Variants in TM4SF19 observed in about 807,000 individuals in gnomAD.
The protein encoded by TM4SF19 is transmembrane 4 L six family member 19.
TM4SF19 carries 17 observed loss-of-function variants against 21.8 expected under a neutral mutation model. The ratio of observed to expected loss-of-function variants is 0.78; its 90% CI spans 0.53 to 1.17. The LOEUF is 1.17. Ranked by LOEUF, TM4SF19 falls within the 50% of genes most tolerant of loss-of-function variation. The pLI is 0.00. For synonymous variants in TM4SF19, 107 were observed against 106.7 expected, an observed-to-expected ratio of 1.00 and a Z score of -0.02; for missense variants, 216 against 252.1, an observed-to-expected ratio of 0.86 and a Z score of 0.97.
At chr3:196,327,334 T>C in intron 2 of TM4SF19, 56 bp downstream of exon 2, 1 of 1,550,118 alleles carries the variant, frequency 6.5e-7, no homozygotes, top group Non-Finnish European at 8.9e-7. Context: ...GCCACCTTCC[T>C]GCTCCCCGCC....
intron 1 of TM4SF19, among the ~76,000 whole-genome samples, chr3:196,337,308 T>C (rs561005844): frequency 2.9e-4 from 44 of 152,054 alleles, no homozygotes; most frequent in Non-Finnish European, 5.6e-4. Context: ...TGGTAAGAAA[T>C]AGAGCAGACA....
intron 1 of TM4SF19, among the ~76,000 whole-genome samples, chr3:196,337,318 A>C (rs1455244596): frequency 6.6e-6 from 1 of 152,150 alleles, no homozygotes. Context: ...TAGAGCAGAC[A>C]TGAGCAGGGC....
At chr3:196,324,525 G>A in intron 3 of TM4SF19, 85 bp from the exon 4 acceptor site, 1 of 1,477,566 alleles carries the variant, frequency 6.8e-7, no homozygotes. Context: ...AGCTAAGACG[G>A]GGTCGCAGCT....
intron 1 of TM4SF19, among the ~76,000 whole-genome samples, chr3:196,332,367 T>A (rs1284329242): frequency 7.3e-6 from 1 of 136,184 alleles, no homozygotes; most frequent in Non-Finnish European, 1.5e-5. Context: ...TGAGCCCAGA[T>A]CACGCCACTG....
intron 1 of TM4SF19, among the ~76,000 whole-genome samples, chr3:196,336,346 C>A (rs531316832): frequency 1.4e-4 from 21 of 152,278 alleles, no homozygotes; most frequent in Middle Eastern, 6.8e-3. Flanking sequence ...CCAGGTTAGC[C>A]ACGCTGGTCT....
chr3:196,326,775 A>G (rs60069930), intron 3 of TM4SF19, among the ~76,000 whole-genome samples, 180 bp downstream of exon 3: 32,259 of 152,006 alleles, frequency 0.21, 3,546 homozygotes, highest in South Asian at 0.31. Flanking sequence ...CCCATTTTAC[A>G]GATGAAAGCC....
chr3:196,324,712 A>G, intron 3 of TM4SF19: 2 of 436,340 alleles, frequency 4.6e-6, no homozygotes, highest in East Asian at 4.0e-5. Context: ...CAGGCCCCGG[A>G]TCTCCCTGAC....
intron 1 of TM4SF19, 41 bp from the exon 2 acceptor site, chr3:196,327,632 G>A (rs747684839): frequency 3.2e-6 from 5 of 1,554,934 alleles, no homozygotes; most frequent in Non-Finnish European, 4.4e-6. Context: ...CTCTGCTGTG[G>A]GGGGATGGGG....
Position 196,334,794 on chromosome 3 carries a change from C to A in TM4SF19, c.-2+3470G>T, listed in dbSNP as rs189883168. ...GTAAAGAAGACAAGGGGAGGGGTGC[C>A]CTGGGAGGGTGGGGGTAGGAGAGAG... On this transcript the variant is annotated intron_variant, in intron 1 of 4. Transcript: ENST00000273695. Among the ~76,000 whole-genome samples the A allele has an allele frequency of 9.8e-3, 1,325 of 134,558 alleles. 14 individuals are homozygous for A. Among genetic ancestry groups the A allele is most frequent in the African/African-American group, 0.026 (913 of 35,596 alleles). 88.3% of individuals were successfully genotyped at this position (134,558 alleles called of 152,430 possible).
intron 1 of TM4SF19, among the ~76,000 whole-genome samples, chr3:196,337,739 G>A (rs1301098724): frequency 6.6e-6 from 1 of 152,142 alleles, no homozygotes; most frequent in Non-Finnish European, 1.5e-5. Flanking sequence ...CACGCACTTG[G>A]CCCTTTTCCA....
chr3:196,334,396 A>G (rs1727637057), intron 1 of TM4SF19, among the ~76,000 whole-genome samples: 1 of 149,098 alleles, frequency 6.7e-6, no homozygotes, highest in African/African-American at 2.5e-5. Flanking sequence ...TTTTTTTGAG[A>G]TGGAGTCTTG....
intron 1 of TM4SF19, among the ~76,000 whole-genome samples, chr3:196,337,396 T>G (rs867952303): frequency 6.6e-6 from 1 of 152,110 alleles, no homozygotes; most frequent in Non-Finnish European, 1.5e-5. Context: ...TGTTACACTG[T>G]CTTTCTAAAA....
chr3:196,331,805 A>G (rs891625314), intron 1 of TM4SF19, among the ~76,000 whole-genome samples: 1 of 151,744 alleles, frequency 6.6e-6, no homozygotes, highest in African/African-American at 2.4e-5. Flanking sequence ...AAAAAAATGT[A>G]ATAGAGGTGA....
intron 1 of TM4SF19, among the ~76,000 whole-genome samples, chr3:196,331,080 C>A: frequency 6.6e-6 from 1 of 151,808 alleles, no homozygotes; most frequent in Non-Finnish European, 1.5e-5. Context: ...TTGAGATAAG[C>A]CTGGTCAACA....
At chr3:196,337,437 A>C (rs1241796707) in intron 1 of TM4SF19, among the ~76,000 whole-genome samples, 2 of 152,162 alleles carry the variant, frequency 1.3e-5, no homozygotes, top group African/African-American at 4.8e-5. Flanking sequence ...GTTGGGAAAG[A>C]CAGTCTCCCA....
intron 3 of TM4SF19, chr3:196,324,937 AAAG>A (rs1727226971): frequency 6.5e-6 from 1 of 152,734 alleles, no homozygotes; most frequent in Non-Finnish European, 1.5e-5. Context: ...GGAAGGAAAG[AAAG>A]AAGCAGGAAA....
At chr3:196,331,163 C>T (rs368578936) in intron 1 of TM4SF19, among the ~76,000 whole-genome samples, 16 of 151,976 alleles carry the variant, frequency 1.1e-4, no homozygotes, top group East Asian at 3.9e-4. Flanking sequence ...GTAATCCCAG[C>T]TACTCGGGTG....
At chr3:196,336,082 C>T (rs1727746043) in intron 1 of TM4SF19, among the ~76,000 whole-genome samples, 1 of 152,092 alleles carries the variant, frequency 6.6e-6, no homozygotes, top group Non-Finnish European at 1.5e-5. Context: ...ACGATCTCTT[C>T]TACAGAAAAC....
At chr3:196,331,374 G>A (rs968110017) in intron 1 of TM4SF19, among the ~76,000 whole-genome samples, 7 of 151,366 alleles carry the variant, frequency 4.6e-5, no homozygotes, top group Admixed American at 1.3e-4. Flanking sequence ...AAAAGTCAGC[G>A]TCATGACATC....
Sources: allele counts gnomAD v4.1 joint callset (sites outside exome capture counted in the v4.1 genomes callset), GRCh38; gene constraint gnomAD v4.1.1; transcripts MANE v1.5; gene names NCBI Gene and HGNC (gene_info 2026-07-23, HGNC 2026-07-21).